Variants in DLGAP1 observed in about 807,000 individuals in gnomAD.
The protein encoded by DLGAP1 is DLG associated protein 1, also known as disks large-associated protein 1.
DLGAP1 carries 11 observed loss-of-function variants against 90.8 expected under a neutral mutation model. The observed-to-expected ratio is 0.12, with a 90% confidence interval of 0.08 to 0.20. DLGAP1 has a LOEUF of 0.20. Among genes scored for constraint, DLGAP1 ranks in the 10% least tolerant of loss-of-function variants. The probability of loss-of-function intolerance (pLI) is 1.00; values close to 1 mark genes in which losing one functional copy is unlikely to be tolerated. For synonymous variants in DLGAP1, 558 were observed against 540.7 expected (o/e 1.03, Z -0.44); for missense variants, 1,050 against 1,333.8 (o/e 0.79, Z 3.31).
intron 7 of DLGAP1, among the ~76,000 whole-genome samples, chr18:3,630,018 G>T (rs758069215): frequency 1.3e-5 from 2 of 152,210 alleles, no homozygotes; most frequent in Admixed American, 1.3e-4. Flanking sequence ...GAGGGCTGGA[G>T]TATAAAGTTG....
chr18:4,269,428 A>C (rs979668844), intron 1 of DLGAP1, among the ~76,000 whole-genome samples: 3 of 148,966 alleles, frequency 2.0e-5, no homozygotes, highest in African/African-American at 7.4e-5. Flanking sequence ...ATCTCAGCTC[A>C]CTGCAAGCTC....
At chr18:4,281,572 C>G (rs1312238738) in intron 1 of DLGAP1, among the ~76,000 whole-genome samples, 1 of 152,080 alleles carries the variant, frequency 6.6e-6, no homozygotes, top group Non-Finnish European at 1.5e-5. Context: ...TGTGGTCCAT[C>G]TAGAAAATTT....
chr18:4,443,746 A>G (rs1249495213), intron 1 of DLGAP1, among the ~76,000 whole-genome samples: 2 of 152,236 alleles, frequency 1.3e-5, no homozygotes, highest in Non-Finnish European at 2.9e-5. Context: ...AAGTCACTTT[A>G]GATATGCCAA....
At chr18:4,184,005 G>A (rs2077249919) in intron 1 of DLGAP1, among the ~76,000 whole-genome samples, 2 of 152,100 alleles carry the variant, frequency 1.3e-5, no homozygotes, top group Non-Finnish European at 2.9e-5. Flanking sequence ...TATTCTACAA[G>A]CAGTCTATTT....
intron 7 of DLGAP1, among the ~76,000 whole-genome samples, chr18:3,681,292 A>G (rs943448406): frequency 3.3e-5 from 5 of 152,256 alleles, no homozygotes; most frequent in Non-Finnish European, 7.3e-5. Flanking sequence ...ATTTGTGACC[A>G]GGAGAATCAA....
intron 7 of DLGAP1, among the ~76,000 whole-genome samples, chr18:3,688,450 T>G (rs2146979018): frequency 6.6e-6 from 1 of 151,852 alleles, no homozygotes; most frequent in Non-Finnish European, 1.5e-5. Context: ...AAGGGAAAGA[T>G]CAGTGAAATG....
chr18:4,101,335 A>AAC (rs2075774805), intron 2 of DLGAP1, among the ~76,000 whole-genome samples: 1 of 152,164 alleles, frequency 6.6e-6, no homozygotes, highest in South Asian at 2.1e-4. Context: ...GAGGAGTCCG[A>AAC]ACACACACAC....
chr18:3,570,283 T>A (rs897129569), intron 8 of DLGAP1, among the ~76,000 whole-genome samples: 2 of 76,472 alleles, frequency 2.6e-5, no homozygotes, highest in Admixed American at 3.5e-4. Context: ...TTTCCTAAAT[T>A]TTTTTTTTTT....
At position 4,383,999 on chromosome 18, in the gene DLGAP1, GT is replaced by G. The variant is rs776223102; in HGVS notation, c.-267+71006del. On this transcript the variant is annotated intron_variant, in intron 1 of 12. Coordinates refer to ENST00000315677, the MANE Select transcript of DLGAP1 (RefSeq NM_004746.4). This position sits in a 1 kb window ranked among gnomAD's most constrained non-coding sequence, Gnocchi z 4.0. ...GTCAAAACAGCTTCCATACACTATG[GT>G]AATGTCATAAAATGGTAAATTGAGC... Among the ~76,000 whole-genome samples the G allele has an allele frequency of 2.6e-5, 4 of 152,130 alleles. No individual in the cohort carries two copies. Among genetic ancestry groups the G allele is most frequent in the Admixed American group, 6.6e-5 (1 of 15,264 alleles).
In DLGAP1 at chr18:3,694,039, C is replaced by T. The variant is rs111862157; in HGVS notation, c.1591+35096G>A. Among the ~76,000 whole-genome samples, 1,063 of 147,716 alleles carry T rather than the reference C, an allele frequency of 7.2e-3. 10 individuals are homozygous for T. The highest frequency in any genetic ancestry group is 0.027 in the African/African-American group (1,017 of 38,156). ...ATGCTATCCCTCCCCTAGCCACCCC[C>T]CCCTCAGCCCCCAACAGGCCCCAGA... On this transcript the variant is annotated intron_variant, in intron 7 of 12. Transcript: ENST00000315677.
intron 1 of DLGAP1, among the ~76,000 whole-genome samples, chr18:4,315,413 C>T (rs2080502721): frequency 6.6e-6 from 1 of 152,164 alleles, no homozygotes; most frequent in Non-Finnish European, 1.5e-5. Context: ...CCCTGGGTAC[C>T]TGGCAATTCC....
At chr18:4,327,779 T>C (rs2080855353) in intron 1 of DLGAP1, among the ~76,000 whole-genome samples, 1 of 152,054 alleles carries the variant, frequency 6.6e-6, no homozygotes, top group African/African-American at 2.4e-5. Context: ...ATTGTTCTGC[T>C]TTCTGTCACT....
chr18:4,292,584 C>T (rs1358775555), intron 1 of DLGAP1, among the ~76,000 whole-genome samples: 1 of 152,036 alleles, frequency 6.6e-6, no homozygotes, highest in Non-Finnish European at 1.5e-5. Context: ...AGAAAATTAT[C>T]TATTACAAAG....
At chr18:4,087,859 C>T (rs1394461414) in intron 2 of DLGAP1, among the ~76,000 whole-genome samples, 2 of 151,648 alleles carry the variant, frequency 1.3e-5, no homozygotes, top group Non-Finnish European at 2.9e-5. Context: ...TTGGGCTTTG[C>T]TTTGTTTGAG....
chr18:3,597,007 C>A (rs760792524), intron 7 of DLGAP1: 3 of 520,004 alleles, frequency 5.8e-6, no homozygotes, highest in Non-Finnish European at 1.2e-5. Flanking sequence ...AGGCTCTCGG[C>A]AAAGGACCGT....
chr18:4,045,961 A>G (rs2075048565), intron 2 of DLGAP1, among the ~76,000 whole-genome samples: 1 of 152,000 alleles, frequency 6.6e-6, no homozygotes, highest in Admixed American at 6.6e-5. Context: ...CTTAAAAGAG[A>G]TAAAAACCAG....
At chr18:4,246,052 G>A (rs182682336) in intron 1 of DLGAP1, among the ~76,000 whole-genome samples, 2 of 152,204 alleles carry the variant, frequency 1.3e-5, no homozygotes, top group South Asian at 2.1e-4. Context: ...TTCCCTATAC[G>A]TCTTCATCTT....
chr18:3,857,888 C>T (rs3850807), intron 4 of DLGAP1, among the ~76,000 whole-genome samples: 139,414 of 152,154 alleles, frequency 0.92, 64,250 homozygotes, highest in East Asian at 1. Context: ...TCCTCATCCA[C>T]CCCACTCAAT....
intron 7 of DLGAP1, among the ~76,000 whole-genome samples, chr18:3,719,026 A>G (rs903423177): frequency 1.3e-5 from 2 of 152,118 alleles, no homozygotes; most frequent in Non-Finnish European, 2.9e-5. Context: ...CCTTCTCTAA[A>G]AGTTTCTAAA....
Sources: allele counts gnomAD v4.1 joint callset (sites outside exome capture counted in the v4.1 genomes callset), GRCh38; gene constraint gnomAD v4.1.1; non-coding constraint Gnocchi (gnomAD v3.1); transcripts MANE v1.5; gene names NCBI Gene and HGNC (gene_info 2026-07-23, HGNC 2026-07-21).